The following RBFOX1 variants were observed in gnomAD, a reference collection of about 807,000 sequenced individuals.
RBFOX1 encodes the protein RNA binding fox-1 homolog 1, also known as RNA binding protein fox-1 homolog 1.
Under a neutral mutation model 57.7 loss-of-function variants are expected in RBFOX1, and 8 were observed. That is an observed-to-expected ratio of 0.14 (90% CI 0.08 to 0.25). The LOEUF (loss-of-function observed/expected upper bound fraction) is 0.25, where lower values mean the gene tolerates loss of function less well. RBFOX1 is among the 10% of genes least tolerant of loss of function. The probability of loss-of-function intolerance (pLI) is 1.00; values close to 1 mark genes in which losing one functional copy is unlikely to be tolerated. For missense variants in RBFOX1, 611 were observed against 548.5 expected (o/e 1.11, Z -1.14); for synonymous variants, 326 against 222.4 (o/e 1.47, Z -4.15).
chr16:7,304,194 G>T, intron 4 of RBFOX1: 1 of 951,674 alleles, frequency 1.1e-6, no homozygotes, highest in Non-Finnish European at 1.2e-6. Flanking sequence ...GAAAGAGGGG[G>T]AGAGAGACAG....
intron 1 of RBFOX1, among the ~76,000 whole-genome samples, chr16:5,377,683 C>A (rs1168118002): frequency 6.6e-6 from 1 of 151,252 alleles, no homozygotes; most frequent in African/African-American, 2.5e-5. Context: ...GAATGCGGAC[C>A]TAGAGGTCCC....
At chr16:7,705,531 T>C (rs1220357501) in intron 14 of RBFOX1, among the ~76,000 whole-genome samples, 1 of 152,056 alleles carries the variant, frequency 6.6e-6, no homozygotes. Context: ...TTAAAAATCC[T>C]ATGTGCCTGG....
chr16:6,655,246 T>TGC (rs1568069031), intron 3 of RBFOX1, among the ~76,000 whole-genome samples: 3 of 149,978 alleles, frequency 2.0e-5, no homozygotes, highest in Non-Finnish European at 3.0e-5. Context: ...TGGTGGCACA[T>TGC]GCCTGTAATC....
At chr16:6,318,219 T>A (rs8055089) in intron 2 of RBFOX1, among the ~76,000 whole-genome samples, 34,041 of 152,138 alleles carry the variant, frequency 0.22, 3,837 homozygotes, top group Middle Eastern at 0.28. Context: ...CGCTTGTATC[T>A]CACAGGAGAT....
intron 2 of RBFOX1, among the ~76,000 whole-genome samples, chr16:6,612,873 A>AATAATT (rs2098084813): frequency 6.7e-6 from 1 of 150,254 alleles, no homozygotes; most frequent in Non-Finnish European, 1.5e-5. Context: ...AAATAATAAT[A>AATAATT]ATAATATTTG....
chr16:6,636,772 A>ATGT (rs1286530436), intron 2 of RBFOX1, among the ~76,000 whole-genome samples: 2 of 11,104 alleles, frequency 1.8e-4, no homozygotes, highest in African/African-American at 2.6e-4. Flanking sequence ...TATATAATAT[A>ATGT]TAATATATAT....
intron 4 of RBFOX1, among the ~76,000 whole-genome samples, chr16:5,924,044 C>T (rs1413862040): frequency 6.6e-6 from 1 of 152,040 alleles, no homozygotes; most frequent in African/African-American, 2.4e-5. Context: ...ATGCTGTTCT[C>T]AGGATAGTGA....
intron 4 of RBFOX1, among the ~76,000 whole-genome samples, chr16:7,423,632 C>T (rs144846620): frequency 1.3e-5 from 2 of 152,108 alleles, no homozygotes; most frequent in East Asian, 1.9e-4. Flanking sequence ...TTTGCAATTG[C>T]AGCTTGTGCT....
chr16:5,848,126 A>G (rs573266819), intron 3 of RBFOX1, among the ~76,000 whole-genome samples: 1 of 152,236 alleles, frequency 6.6e-6, no homozygotes, highest in East Asian at 1.9e-4. Context: ...ATCTGTGCTA[A>G]GTGAAAATGG....
At chr16:6,770,207 A>G (rs1417026529) in intron 3 of RBFOX1, among the ~76,000 whole-genome samples, 1 of 152,146 alleles carries the variant, frequency 6.6e-6, no homozygotes, top group Non-Finnish European at 1.5e-5. Flanking sequence ...ATGGGTGAGA[A>G]CTACAGAATT....
At chr16:5,955,859 C>T (rs567614618) in intron 4 of RBFOX1, among the ~76,000 whole-genome samples, 1 of 152,282 alleles carries the variant, frequency 6.6e-6, no homozygotes, top group South Asian at 2.1e-4. Flanking sequence ...CAGCGGAATG[C>T]AGGTTGATTC....
chr16:7,693,667 T>C (rs1299807208), intron 14 of RBFOX1, among the ~76,000 whole-genome samples: 2 of 152,136 alleles, frequency 1.3e-5, no homozygotes, highest in Non-Finnish European at 2.9e-5. Context: ...AGTGCTCTTA[T>C]GGTAAAATAG....
At chr16:7,583,464 C>T (rs1411112027) in intron 6 of RBFOX1, among the ~76,000 whole-genome samples, 2 of 152,198 alleles carry the variant, frequency 1.3e-5, no homozygotes, top group South Asian at 2.1e-4. Flanking sequence ...CGATATATTG[C>T]ACCCTAAATA....
chr16:7,003,754 A>G (rs755820615), intron 3 of RBFOX1, among the ~76,000 whole-genome samples: 1 of 152,168 alleles, frequency 6.6e-6, no homozygotes, highest in Non-Finnish European at 1.5e-5. Flanking sequence ...AAAACATGAT[A>G]TGCACATCAA....
intron 4 of RBFOX1, among the ~76,000 whole-genome samples, chr16:7,339,740 A>G (rs2096857720): frequency 1.3e-5 from 2 of 152,342 alleles, no homozygotes; most frequent in African/African-American, 4.8e-5. Context: ...GTGCCTGGCC[A>G]GAAAGATATT....
At position 7,202,913 on chromosome 16, in the gene RBFOX1, G is replaced by A. The variant is rs150639448; in HGVS notation, c.27+150815G>A. Among the ~76,000 whole-genome samples the A allele has an allele frequency of 4.1e-4, 63 of 151,980 alleles. No individual in the cohort carries two copies. The East Asian group carries it at 9.3e-3, about 22-fold the overall frequency. On this transcript the variant is annotated intron_variant, in intron 4 of 15. Transcript: ENST00000550418. ...AGAAATGTTCTTTTTTTTTGAGACC[G>A]AGTCTCACTGTCACCCTGGCTGGAG...
intron 4 of RBFOX1, among the ~76,000 whole-genome samples, chr16:7,163,781 C>G (rs2078879992): frequency 6.6e-6 from 1 of 152,092 alleles, no homozygotes; most frequent in Admixed American, 6.6e-5. Context: ...CTCAGTCTTT[C>G]AAGTAGCTGG....
At chr16:6,900,268 A>G (rs145320227) in intron 3 of RBFOX1, among the ~76,000 whole-genome samples, 7 of 152,264 alleles carry the variant, frequency 4.6e-5, no homozygotes, top group East Asian at 1.9e-4. Flanking sequence ...TTCAAAGTCA[A>G]TATGTGTATT....
At chr16:7,034,018 T>A (rs1437375058) in intron 3 of RBFOX1, among the ~76,000 whole-genome samples, 1 of 152,170 alleles carries the variant, frequency 6.6e-6, no homozygotes, top group Admixed American at 6.5e-5. Flanking sequence ...ACTTAGTGAA[T>A]ACTTGGATTT....
Sources: gnomAD v4.1 joint callset for allele counts (sites outside exome capture counted in the v4.1 genomes callset) on GRCh38, gnomAD v4.1.1 for gene constraint, MANE v1.5 for transcripts, NCBI Gene and HGNC (gene_info 2026-07-23, HGNC 2026-07-21) for gene names.